Variants in BLTP3A observed in about 807,000 individuals in gnomAD.
The protein encoded by BLTP3A is ICBP90 binding protein 1.
chr6:34,873,617 A>G, the BLTP3A span: 1 of 152,100 alleles, frequency 6.6e-6, no homozygotes, highest in South Asian at 2.1e-4. Context: ...CCATCCCTTC[A>G]TTCATACTGC....
At chr6:34,809,959 A>G in the BLTP3A span, among the ~76,000 whole-genome samples, 3 of 152,348 alleles carry the variant, frequency 2.0e-5, no homozygotes, top group East Asian at 5.8e-4. Context: ...GTATTCTTAC[A>G]ATAAAGTAAG....
At chr6:34,809,722 T>G in the BLTP3A span, among the ~76,000 whole-genome samples, 1 of 151,960 alleles carries the variant, frequency 6.6e-6, no homozygotes, top group Admixed American at 6.6e-5. Flanking sequence ...GCCCGGCTAA[T>G]TTTTTGTATT....
At chr6:34,862,723 A>G in the BLTP3A span, among the ~76,000 whole-genome samples, 1 of 150,998 alleles carries the variant, frequency 6.6e-6, no homozygotes, top group Non-Finnish European at 1.5e-5. Flanking sequence ...AGTCCCAGCT[A>G]CTCTGGAGGC....
the BLTP3A span, among the ~76,000 whole-genome samples, chr6:34,808,346 C>CAAAAAAAAAAAAAAAAAAAA: frequency 3.7e-5 from 1 of 26,734 alleles, no homozygotes; most frequent in Non-Finnish European, 6.6e-5. Flanking sequence ...AACTCCGTCT[C>CAAAAAAAAAAAAAAAAAAAA]AAAAAAAAAA....
the BLTP3A span, among the ~76,000 whole-genome samples, chr6:34,811,674 A>AC: frequency 0.026 from 1,959 of 75,498 alleles, 60 homozygotes; most frequent in Middle Eastern, 0.044. Context: ...ACATGGTGAG[A>AC]CCCCCCCCCC....
At chr6:34,809,700 G>C in the BLTP3A span, among the ~76,000 whole-genome samples, 2 of 152,022 alleles carry the variant, frequency 1.3e-5, no homozygotes, top group African/African-American at 4.8e-5. Flanking sequence ...GAGTACTGGA[G>C]TGTGCCACCA....
chr6:34,810,618 G>C, the BLTP3A span, among the ~76,000 whole-genome samples: 6 of 152,140 alleles, frequency 3.9e-5, no homozygotes, highest in Non-Finnish European at 8.8e-5. Context: ...ACAGGCGTGT[G>C]CCACCATGCC....
chr6:34,798,613 T>TTTTTTTTTTTTTTTTTTG, the BLTP3A span, among the ~76,000 whole-genome samples: 1 of 142,522 alleles, frequency 7.0e-6, no homozygotes, highest in African/African-American at 2.6e-5. Flanking sequence ...TTTTTTTTTT[T>TTTTTTTTTTTTTTTTTTG]ACTTTGTCTG....
the BLTP3A span, among the ~76,000 whole-genome samples, chr6:34,861,020 A>G: frequency 6.6e-5 from 10 of 152,186 alleles, no homozygotes; most frequent in South Asian, 6.2e-4. Context: ...GTTACTCTCA[A>G]TTCTCTGAAG....
At chr6:34,792,135 C>CGGCGGCGGCGGCGGCGGCGGA in the BLTP3A span, 1 of 922,020 alleles carries the variant, frequency 1.1e-6, no homozygotes, top group Non-Finnish European at 1.5e-6. Flanking sequence ...ATGGCGGCGG[C>CGGCGGCGGCGGCGGCGGCGGA]GGCGGCTGTG....
chr6:34,830,140 C>T, the BLTP3A span, among the ~76,000 whole-genome samples: 13 of 151,872 alleles, frequency 8.6e-5, no homozygotes, highest in Non-Finnish European at 1.6e-4. Context: ...GTATTTTTAG[C>T]GAGACAGGGT....
At chr6:34,858,791 A>C in the BLTP3A span, 2 of 1,614,050 alleles carry the variant, frequency 1.2e-6, no homozygotes, top group Admixed American at 1.7e-5. Context: ...GAGCTGGAGG[A>C]TGTAGCAGAT....
chr6:34,800,651 A>G, the BLTP3A span, among the ~76,000 whole-genome samples: 1 of 152,234 alleles, frequency 6.6e-6, no homozygotes, highest in Admixed American at 6.5e-5. Flanking sequence ...AACATTTCCC[A>G]GTATCTAGAA....
the BLTP3A span, among the ~76,000 whole-genome samples, chr6:34,829,640 C>CT: frequency 1.5e-4 from 23 of 149,078 alleles, no homozygotes; most frequent in African/African-American, 2.5e-4. Flanking sequence ...GGTTCTTCTT[C>CT]TTTTTTTTTT....
the BLTP3A span, among the ~76,000 whole-genome samples, chr6:34,807,767 CGGT>C: frequency 6.6e-6 from 1 of 152,132 alleles, no homozygotes; most frequent in Admixed American, 6.6e-5. Context: ...AGGCTGGGTG[CGGT>C]GGCTCACGCC....
At chr6:34,793,898 A>G in the BLTP3A span, among the ~76,000 whole-genome samples, 21,949 of 150,724 alleles carry the variant, frequency 0.15, 1,946 homozygotes, top group African/African-American at 0.25. Context: ...AAATGGGGAT[A>G]AGAACAGTAT....
the BLTP3A span, among the ~76,000 whole-genome samples, chr6:34,806,667 T>TC: frequency 6.6e-6 from 1 of 152,036 alleles, no homozygotes; most frequent in Non-Finnish European, 1.5e-5. Flanking sequence ...TAACCTATTC[T>TC]CCCCCCCTCC....
the BLTP3A span, among the ~76,000 whole-genome samples, chr6:34,844,137 C>T: frequency 1.7e-4 from 26 of 152,036 alleles, no homozygotes; most frequent in East Asian, 1.2e-3. Context: ...CCTGCCACCA[C>T]GCCCGGCTAA....
chr6:34,808,781 T>A, the BLTP3A span, among the ~76,000 whole-genome samples: 646 of 152,236 alleles, frequency 4.2e-3, 1 homozygote, highest in Admixed American at 7.2e-3. Context: ...GGTTTCATCA[T>A]GTTGCCCAGA....
Sources: gnomAD v4.1 joint callset for allele counts (sites outside exome capture counted in the v4.1 genomes callset) on GRCh38, gnomAD v4.1.1 for gene constraint, MANE v1.5 for transcripts, NCBI Gene and HGNC (gene_info 2026-07-23, HGNC 2026-07-21) for gene names.